Variants in HSD17B3 observed in about 807,000 individuals in gnomAD.
The protein encoded by HSD17B3 is 17-beta-hydroxysteroid dehydrogenase type 3.
HSD17B3 carries 29 observed loss-of-function variants against 41.1 expected under a neutral mutation model. The ratio of observed to expected loss-of-function variants is 0.71; its 90% CI spans 0.53 to 0.96. HSD17B3 has a LOEUF of 0.96. Ranked by LOEUF, HSD17B3 falls within the 40% of genes least tolerant of loss-of-function variation. The pLI, the probability that HSD17B3 is intolerant of heterozygous loss-of-function variation, is 0.00. For missense variants in HSD17B3, 323 were observed against 374.6 expected (o/e 0.86, Z 1.14); for synonymous variants, 126 against 145.6 (o/e 0.87, Z 0.97).
intron 2 of HSD17B3, among the ~76,000 whole-genome samples, chr9:96,288,025 T>C (rs1355610988): frequency 1.3e-5 from 2 of 152,150 alleles, no homozygotes; most frequent in Admixed American, 6.6e-5. Context: ...CAAAACAATA[T>C]GCTAAGTGGA....
chr9:96,300,209 GACACACACACACACACACACACAC>G (rs55707445), intron 1 of HSD17B3, among the ~76,000 whole-genome samples: 3 of 116,304 alleles, frequency 2.6e-5, no homozygotes, highest in South Asian at 3.2e-4. Flanking sequence ...ACCCCAAGAG[GACACACACACACACACACACACAC>G]ACACACACAC....
At chr9:96,299,855 TG>T (rs1827505973) in intron 1 of HSD17B3, among the ~76,000 whole-genome samples, 1 of 152,160 alleles carries the variant, frequency 6.6e-6, no homozygotes, top group Non-Finnish European at 1.5e-5. Flanking sequence ...GTTTCTTTTT[TG>T]TCCCCTACTT....
At chr9:96,276,107 T>TAAAAAAAA (rs57386167) in intron 2 of HSD17B3, among the ~76,000 whole-genome samples, 1 of 41,146 alleles carries the variant, frequency 2.4e-5, no homozygotes, top group Non-Finnish European at 4.3e-5. Context: ...TCCTGTCTCA[T>TAAAAAAAA]AAAAAAAAAA....
intron 10 of HSD17B3, among the ~76,000 whole-genome samples, chr9:96,235,926 C>T (rs1180631446): frequency 1.3e-5 from 2 of 151,942 alleles, no homozygotes; most frequent in Non-Finnish European, 2.9e-5. Flanking sequence ...CCACTTCAGC[C>T]TCTTGAGTAG....
chr9:96,249,546 T>C, intron 6 of HSD17B3: 1 of 610,482 alleles, frequency 1.6e-6, no homozygotes, highest in Non-Finnish European at 2.9e-6. Flanking sequence ...AGAATTCAGA[T>C]ACAAGGGAGA....
At chr9:96,279,953 T>G (rs970019368) in intron 2 of HSD17B3, among the ~76,000 whole-genome samples, 3 of 152,142 alleles carry the variant, frequency 2.0e-5, no homozygotes. Flanking sequence ...GCATTTTCAG[T>G]AGAGGCGGGG....
chr9:96,273,892 TC>T (rs1444005593), intron 2 of HSD17B3, among the ~76,000 whole-genome samples: 1 of 151,978 alleles, frequency 6.6e-6, no homozygotes, highest in South Asian at 2.1e-4. Flanking sequence ...TCCAGCCACC[TC>T]CCTCACACTC....
At chr9:96,241,666 GA>G (rs1836442998) in intron 9 of HSD17B3, among the ~76,000 whole-genome samples, 1 of 152,126 alleles carries the variant, frequency 6.6e-6, no homozygotes, top group African/African-American at 2.4e-5. Flanking sequence ...CTGGCATGGT[GA>G]CTCATGCCTG....
At chr9:96,288,909 C>T (rs1467254203) in intron 2 of HSD17B3, among the ~76,000 whole-genome samples, 1 of 149,746 alleles carries the variant, frequency 6.7e-6, no homozygotes, top group Non-Finnish European at 1.5e-5. Flanking sequence ...TGCACTCCAG[C>T]CTGGGTGACT....
At chr9:96,256,854 T>C (rs571716539) in intron 2 of HSD17B3, among the ~76,000 whole-genome samples, 1 of 151,488 alleles carries the variant, frequency 6.6e-6, no homozygotes, top group South Asian at 2.1e-4. Context: ...TTGGATCTCA[T>C]GTCAAATTGT....
chr9:96,244,407 G>A lies in HSD17B3; in HGVS notation c.607-13C>T. 1.2e-6 allele frequency: 2 copies of A among 1,614,114 alleles called. No homozygotes were observed. The highest frequency in any genetic ancestry group is 1.7e-6 in the Non-Finnish European group (2 of 1,179,974). ...CGCACACAAACGCCTGGAGCAAGAA[G>A]GAGAGACACCTGAGGCCCCAGAGTG... On this transcript the variant is annotated splice_polypyrimidine_tract_variant and intron_variant, in intron 8 of 10. Transcript: ENST00000375263.
intron 8 of HSD17B3, among the ~76,000 whole-genome samples, chr9:96,244,736 A>G (rs1199386441): frequency 2.0e-5 from 3 of 152,222 alleles, no homozygotes; most frequent in African/African-American, 7.2e-5. Flanking sequence ...CACAACATAT[A>G]CATATATTAA....
intron 2 of HSD17B3, among the ~76,000 whole-genome samples, chr9:96,282,548 G>A (rs937430948): frequency 6.6e-6 from 1 of 152,132 alleles, no homozygotes; most frequent in African/African-American, 2.4e-5. Context: ...ATAAGGCCAG[G>A]GACATGTGGA....
At chr9:96,261,037 G>T (rs1337987719) in intron 2 of HSD17B3, among the ~76,000 whole-genome samples, 1 of 152,094 alleles carries the variant, frequency 6.6e-6, no homozygotes, top group East Asian at 1.9e-4. Context: ...GTTCATATAG[G>T]ATAGGTAATG....
chr9:96,255,603 T>C (rs1162880859), intron 2 of HSD17B3, among the ~76,000 whole-genome samples: 2 of 152,022 alleles, frequency 1.3e-5, no homozygotes, highest in East Asian at 3.9e-4. Flanking sequence ...TTGGCCAGGC[T>C]GGTCTCCAAC....
At chr9:96,269,161 A>C (rs1826147603) in intron 2 of HSD17B3, among the ~76,000 whole-genome samples, 1 of 152,168 alleles carries the variant, frequency 6.6e-6, no homozygotes, top group Non-Finnish European at 1.5e-5. Flanking sequence ...ATGACATGGG[A>C]CTGTACTGAA....
chr9:96,243,192 T>C (rs1175463802), intron 9 of HSD17B3, among the ~76,000 whole-genome samples: 1 of 152,246 alleles, frequency 6.6e-6, no homozygotes, highest in African/African-American at 2.4e-5. Flanking sequence ...GTTATTTTTT[T>C]ACTGCAGCAA....
At chr9:96,242,003 A>AAGAAAGAAAGAAAG (rs1554692386) in intron 9 of HSD17B3, among the ~76,000 whole-genome samples, 111 of 135,536 alleles carry the variant, frequency 8.2e-4, no homozygotes, top group South Asian at 6.5e-3. Flanking sequence ...GAAAGAAAGA[A>AAGAAAGAAAGAAAG]AGAGAAAGAA....
At chr9:96,270,782 C>T (rs1826210417) in intron 2 of HSD17B3, among the ~76,000 whole-genome samples, 1 of 152,200 alleles carries the variant, frequency 6.6e-6, no homozygotes, top group Non-Finnish European at 1.5e-5. Flanking sequence ...ACTAGAATGG[C>T]CCAGATGTGG....
Sources: gnomAD v4.1 joint callset for allele counts (sites outside exome capture counted in the v4.1 genomes callset) on GRCh38, gnomAD v4.1.1 for gene constraint, MANE v1.5 for transcripts, NCBI Gene and HGNC (gene_info 2026-07-23, HGNC 2026-07-21) for gene names.